Variants in ICA1 observed in about 807,000 individuals in gnomAD.
The protein encoded by ICA1 is islet cell autoantigen 1, also known as 69 kDa islet cell autoantigen.
A neutral mutation model predicts 71.0 loss-of-function variants in ICA1; 40 were observed. The observed-to-expected ratio is 0.56, with a 90% CI of 0.44 to 0.73. The LOEUF (loss-of-function observed/expected upper bound fraction) is 0.73, where lower values mean the gene tolerates loss of function less well. Ranked by LOEUF, ICA1 falls within the 30% of genes least tolerant of loss-of-function variation. The pLI is 0.00. For synonymous variants in ICA1, 207 were observed against 209.5 expected (o/e 0.99, Z 0.10); for missense variants, 578 against 576.5 (o/e 1.00, Z -0.03).
chr7:8,128,061 T>C lies in ICA1; in HGVS notation c.1142A>G (p.Asn381Ser). 1 of 1,614,188 alleles carries C rather than the reference T, an allele frequency of 6.2e-7. No homozygotes were observed. Reference sequence around the variant, plus strand: ...CTCGCCCTCTTCCAAGGAGGAAGCATTGAAGATCTCACTCAACAGCAGCAG... The same window carrying C: ...CTCGCCCTCTTCCAAGGAGGAAGCACTGAAGATCTCACTCAACAGCAGCAG... The part of the protein sequence containing the change: ...DDLLLLSEIF[N>S]ASSLEEGEFS... Residue 381 changes from asparagine (N) to serine (S), a missense_variant, in exon 13 of 14, where the codon AAT (asparagine) becomes AGT (serine). Coordinates refer to ENST00000402384, the MANE Select transcript of ICA1 (RefSeq NM_001136020.3).
chr7:8,215,167 G>C (rs1026893716), intron 6 of ICA1, among the ~76,000 whole-genome samples: 7 of 152,064 alleles, frequency 4.6e-5, no homozygotes, highest in African/African-American at 1.7e-4. Flanking sequence ...CGTCCCCTTA[G>C]AGCGGTGTCT....
chr7:8,116,218 C>A (rs896042730), intron 13 of ICA1: 9 of 152,174 alleles, frequency 5.9e-5, no homozygotes, highest in Non-Finnish European at 1.3e-4. Flanking sequence ...TTCAGAGAGA[C>A]AAAATGCTGT....
chr7:8,232,010 T>C (rs978120378), intron 3 of ICA1, among the ~76,000 whole-genome samples: 7 of 152,226 alleles, frequency 4.6e-5, no homozygotes, highest in African/African-American at 1.7e-4. Flanking sequence ...ATGATAGGTA[T>C]GCTTTCAAAA....
At chr7:8,201,487 G>A (rs1291046158) in intron 6 of ICA1, among the ~76,000 whole-genome samples, 1 of 152,230 alleles carries the variant, frequency 6.6e-6, no homozygotes, top group African/African-American at 2.4e-5. Context: ...TTTGTCTCAG[G>A]GAGGAAAAGC....
At chr7:8,159,565 G>C (rs1480330003) in intron 6 of ICA1, among the ~76,000 whole-genome samples, 3 of 151,870 alleles carry the variant, frequency 2.0e-5, no homozygotes, top group Admixed American at 1.3e-4. Flanking sequence ...AAAGGTGTGG[G>C]GTTGCACGCC....
At chr7:8,171,009 T>C (rs921843940) in intron 6 of ICA1, among the ~76,000 whole-genome samples, 1 of 151,926 alleles carries the variant, frequency 6.6e-6, no homozygotes, top group African/African-American at 2.4e-5. Context: ...TTTTTATCAA[T>C]CCAAAAAGAA....
At chr7:8,125,103 C>T (rs1390838833) in intron 13 of ICA1, among the ~76,000 whole-genome samples, 1 of 152,148 alleles carries the variant, frequency 6.6e-6, no homozygotes, top group Non-Finnish European at 1.5e-5. Flanking sequence ...ACTCCTTTAA[C>T]ACTGACCTTG....
rs1173506808 is a variant in ICA1, at chr7:8,238,350, A to G, written c.-79-2345T>C. 3.9e-5 allele frequency among the ~76,000 whole-genome samples: 6 copies of G among 152,208 alleles called. No homozygotes were observed. In the East Asian group the frequency reaches 1.2e-3, roughly 29 times the overall value. On this transcript the variant is annotated intron_variant, in intron 1 of 13. Transcript: ENST00000402384. ...TAGCCATCCGAAGCATTGTGAGGTG[A>G]TATCTCATGGTTTTGGTTTACAGTT...
rs1260886966 is a variant in ICA1 at position 8,234,232 on chromosome 7, A to G, written c.18-1477T>C. ...CCCTGTCCCTCAAAAAAGAAAAAAG[A>G]GAAGAAAAAAGAGAAAAGAAACAAA... On this transcript the variant is annotated intron_variant, in intron 2 of 13. Coordinates refer to ENST00000402384, the MANE Select transcript of ICA1 (RefSeq NM_001136020.3). The surrounding 1 kb of genome is among the most constrained non-coding windows in gnomAD (Gnocchi z 4.5). Among the ~76,000 whole-genome samples, 1 of 152,226 alleles carries G rather than the reference A, an allele frequency of 6.6e-6. No individual in the cohort carries two copies. Among genetic ancestry groups the G allele is most frequent in the African/African-American group, 2.4e-5 (1 of 41,468 alleles).
chr7:8,245,664 T>C (rs1042705001), intron 1 of ICA1, among the ~76,000 whole-genome samples: 4 of 152,154 alleles, frequency 2.6e-5, no homozygotes, highest in African/African-American at 7.2e-5. Flanking sequence ...TAACCCAATA[T>C]ATCTAAATTA....
chr7:8,232,899 G>A, intron 2 of ICA1, 144 bp from the exon 3 acceptor site: 1 of 652,662 alleles, frequency 1.5e-6, no homozygotes, highest in East Asian at 3.2e-5. Context: ...TTCTTATCTG[G>A]GTGTTACACC....
chr7:8,258,312 A>G (rs1810950278), intron 1 of ICA1, among the ~76,000 whole-genome samples: 1 of 152,148 alleles, frequency 6.6e-6, no homozygotes, highest in South Asian at 2.1e-4. Context: ...GTTCAATACT[A>G]AGTCATCCCA....
chr7:8,212,214 T>C (rs905286410), intron 6 of ICA1, among the ~76,000 whole-genome samples: 6 of 152,112 alleles, frequency 3.9e-5, no homozygotes, highest in African/African-American at 1.4e-4. Context: ...AAAAAGTACA[T>C]GTCAGTCCTT....
intron 1 of ICA1, among the ~76,000 whole-genome samples, chr7:8,258,619 C>G (rs1332505831): frequency 6.6e-6 from 1 of 152,204 alleles, no homozygotes; most frequent in Non-Finnish European, 1.5e-5. Context: ...TCTTAAGCAA[C>G]TGGCCTACAG....
intron 6 of ICA1, among the ~76,000 whole-genome samples, chr7:8,170,991 T>C (rs1808115550): frequency 6.6e-6 from 1 of 151,982 alleles, no homozygotes; most frequent in Non-Finnish European, 1.5e-5. Context: ...CAAATCAATT[T>C]TGGCACATTT....
intron 1 of ICA1, among the ~76,000 whole-genome samples, chr7:8,236,359 A>G (rs1024938603): frequency 2.6e-5 from 4 of 152,236 alleles, no homozygotes; most frequent in Non-Finnish European, 5.9e-5. Context: ...TTGCTTAGGA[A>G]TGATGAACAC....
rs551430480 is a variant in ICA1, at chr7:8,179,973, TC to T, written c.580-21322del. Among the ~76,000 whole-genome samples, 57 of 152,246 alleles carry T rather than the reference TC, an allele frequency of 3.7e-4. No homozygotes were observed. In the South Asian group the frequency reaches 0.011, roughly 30 times the overall value. On this transcript the variant is annotated intron_variant, in intron 6 of 13. Transcript: ENST00000402384. ...TTTCATGTAAGCTCTACGACTCTAT[TC>T]CCCCGTTCCTCTTCTCAAACTCCTT... is the stretch of plus-strand genomic sequence containing the variant.
At position 8,240,929 on chromosome 7, in the gene ICA1, C is replaced by G. The variant is rs933520295; in HGVS notation, c.-79-4924G>C. Among the ~76,000 whole-genome samples the G allele has an allele frequency of 1.9e-4, 29 of 152,330 alleles. 1 individual carries two copies. Among genetic ancestry groups the G allele is most frequent in the African/African-American group, 5.8e-4 (24 of 41,584 alleles). On this transcript the variant is annotated intron_variant, in intron 1 of 13. Coordinates refer to ENST00000402384, the MANE Select transcript of ICA1 (RefSeq NM_001136020.3). ...AAGGGACTATGTGAAAAGACCAAAT[C>G]TATGCTTGACTGGTGTACCTGAAAG...
At chr7:8,148,250 C>G (rs6957995) in intron 8 of ICA1, among the ~76,000 whole-genome samples, 10,344 of 152,148 alleles carry the variant, frequency 0.068, 428 homozygotes, top group African/African-American at 0.13. Context: ...GGTGAGCCCA[C>G]GGTATTTGTG....
Sources: gnomAD v4.1 joint callset for allele counts (sites outside exome capture counted in the v4.1 genomes callset) on GRCh38, gnomAD v4.1.1 for gene constraint, Gnocchi (gnomAD v3.1) non-coding constraint, MANE v1.5 for transcripts, NCBI Gene and HGNC (gene_info 2026-07-23, HGNC 2026-07-21) for gene names.